IL33: variants seen among roughly 807,000 people sequenced by gnomAD.
IL33 encodes interleukin-33.
A neutral mutation model predicts 27.3 loss-of-function variants in IL33; 37 were observed. The ratio of observed to expected loss-of-function variants is 1.36; its 90% CI spans 1.04 to 1.78. The LOEUF is 1.78. IL33 is among the 40% of genes most tolerant of loss of function. The pLI is 0.00. For synonymous variants in IL33, 132 were observed against 102.9 expected, an observed-to-expected ratio of 1.28 and a Z score of -1.71; for missense variants, 406 against 311.4, an observed-to-expected ratio of 1.30 and a Z score of -2.29.
rs1816712940 is a variant in IL33, at chr9:6,256,065, G to C, written c.710G>C (p.Gly237Ala). ...TCATTTGAATGCAAGACTGATCCTG[G>C]AGTGTTTATAGGTGTAAAGGATAAT... is the stretch of plus-strand genomic sequence containing the variant. ...CVSFECKTDP[G>A]VFIGVKDNHL... Residue 237 changes from glycine to alanine, a missense_variant, in exon 8 of 8, where the codon GGA becomes GCA. Physicochemically the swap from Gly to Ala is moderately conservative, Grantham distance 60 (BLOSUM62 0). Coordinates refer to ENST00000682010, the MANE Select transcript of IL33 (RefSeq NM_033439.4). 2 of 1,613,168 alleles carry C rather than the reference G, an allele frequency of 1.2e-6. No individual in the cohort carries two copies. The highest frequency in any genetic ancestry group is 1.7e-6 in the Non-Finnish European group (2 of 1,179,228).
At chr9:6,218,930 A>C (rs1320359732) in intron 1 of IL33, among the ~76,000 whole-genome samples, 2 of 122,554 alleles carry the variant, frequency 1.6e-5, no homozygotes, top group Admixed American at 8.5e-5. Context: ...ATATATATAT[A>C]TATATATATA....
chr9:6,257,464 TA>T lies in IL33; in HGVS notation c.*1297del, dbSNP rs1174594263. 1 of 152,646 alleles carries T rather than the reference TA, an allele frequency of 6.6e-6. No individual in the cohort carries two copies. The highest frequency in any genetic ancestry group is 2.4e-5 in the African/African-American group (1 of 41,460). The allele number at this position is 152,646 out of a possible 1,614,324, so 9.5% of individuals were successfully genotyped here. A position where few individuals can be genotyped will look rare whatever the true frequency, so the allele number is the denominator to read the frequency against. ...TTTTAGATAAAGCTATTAATGGCAA[TA>T]TTTTTTTGCTAAACGTTTTTGTTTT... On this transcript the variant is annotated 3_prime_UTR_variant, in exon 8 of 8. Transcript: ENST00000682010.
intron 1 of IL33, among the ~76,000 whole-genome samples, chr9:6,241,122 A>C (rs1236835800): frequency 6.6e-6 from 1 of 152,162 alleles, no homozygotes; most frequent in African/African-American, 2.4e-5. Context: ...GTCATTTCCT[A>C]TAACAATGTC....
chr9:6,235,251 C>T (rs1368408632), intron 1 of IL33, among the ~76,000 whole-genome samples: 1 of 152,062 alleles, frequency 6.6e-6, no homozygotes, highest in Non-Finnish European at 1.5e-5. Flanking sequence ...CTTTATGTTG[C>T]CTAGGCTGGT....
At chr9:6,224,098 T>C (rs908401130) in intron 1 of IL33, among the ~76,000 whole-genome samples, 2 of 152,194 alleles carry the variant, frequency 1.3e-5, no homozygotes, top group Admixed American at 6.5e-5. Flanking sequence ...AAAGTCCTTC[T>C]TTCCCTATTT....
At chr9:6,251,509 T>C (rs1031492585) in intron 4 of IL33, among the ~76,000 whole-genome samples, 2 of 152,090 alleles carry the variant, frequency 1.3e-5, no homozygotes, top group Non-Finnish European at 2.9e-5. Context: ...TTGCAATGGA[T>C]TGGAATCCCA....
chr9:6,252,077 ACAAAACAAAACAAAAAAACC>A (rs1816419695), intron 4 of IL33, among the ~76,000 whole-genome samples: 6 of 135,802 alleles, frequency 4.4e-5, no homozygotes, highest in East Asian at 2.2e-4. Context: ...CCAACAAAAA[ACAAAACAAAACAAAAAAACC>A]AACTTTACCT....
At chr9:6,221,798 C>G (rs1335393355) in intron 1 of IL33, among the ~76,000 whole-genome samples, 2 of 152,180 alleles carry the variant, frequency 1.3e-5, no homozygotes, top group African/African-American at 4.8e-5. Context: ...ATTTATTTCT[C>G]TGTGCATCAG....
intron 1 of IL33, among the ~76,000 whole-genome samples, chr9:6,224,835 T>C (rs1376393456): frequency 6.6e-6 from 1 of 152,214 alleles, no homozygotes; most frequent in Non-Finnish European, 1.5e-5. Flanking sequence ...TATGAACTTT[T>C]CAGAAAACAA....
intron 2 of IL33, among the ~76,000 whole-genome samples, chr9:6,248,651 T>C (rs1820019125): frequency 6.6e-6 from 1 of 152,114 alleles, no homozygotes; most frequent in South Asian, 2.1e-4. Context: ...TATAGCTCAC[T>C]ACAGCCTCAA....
chr9:6,253,443 T>C (rs2130455088), intron 5 of IL33, 109 bp from the exon 6 acceptor site: 4 of 680,650 alleles, frequency 5.9e-6, no homozygotes, highest in South Asian at 2.4e-5. Flanking sequence ...TTTGTTTTTA[T>C]TGATATATAA....
At chr9:6,247,601 A>G (rs1418791159) in intron 2 of IL33, among the ~76,000 whole-genome samples, 1 of 152,094 alleles carries the variant, frequency 6.6e-6, no homozygotes, top group Non-Finnish European at 1.5e-5. Flanking sequence ...ATTCATACTA[A>G]GCCATTGCCC....
chr9:6,225,147 A>C (rs1818573408), intron 1 of IL33, among the ~76,000 whole-genome samples: 1 of 152,198 alleles, frequency 6.6e-6, no homozygotes, highest in African/African-American at 2.4e-5. Context: ...GCTAGAAGGA[A>C]ACAAATCAAG....
chr9:6,248,157 G>C (rs907189641), intron 2 of IL33, among the ~76,000 whole-genome samples: 3 of 151,584 alleles, frequency 2.0e-5, no homozygotes, highest in Non-Finnish European at 4.4e-5. Context: ...GCTATGGTTT[G>C]AATGTTTCCA....
intron 4 of IL33, among the ~76,000 whole-genome samples, 179 bp downstream of exon 4, chr9:6,251,444 T>C (rs147421002): frequency 1.3e-5 from 2 of 152,298 alleles, no homozygotes; most frequent in East Asian, 1.9e-4. Context: ...AAGGTAGCTG[T>C]TCTAATAATG....
Position 6,251,124 on chromosome 9 carries a change from C to G in IL33, c.218-16C>G. 6.2e-7 allele frequency: 1 copy of G among 1,612,598 alleles called. No homozygotes were observed. Among genetic ancestry groups the G allele is most frequent in the Non-Finnish European group, 8.5e-7 (1 of 1,179,174 alleles). On this transcript the variant is annotated splice_polypyrimidine_tract_variant and intron_variant, in intron 3 of 7. Coordinates refer to ENST00000682010, the MANE Select transcript of IL33 (RefSeq NM_033439.4). ...TGGGGATTGATGGTCTATCCCTAAT[C>G]CCATCCGGTCTGCAGGTAGAAAGCA... is the stretch of plus-strand genomic sequence containing the variant.
At chr9:6,233,449 G>A (rs1040003436) in intron 1 of IL33, among the ~76,000 whole-genome samples, 1 of 151,988 alleles carries the variant, frequency 6.6e-6, no homozygotes, top group Admixed American at 6.6e-5. Context: ...CCTCTCTTCT[G>A]TATCTCCTCT....
At chr9:6,218,204 C>A (rs1818231975) in intron 1 of IL33, among the ~76,000 whole-genome samples, 1 of 152,150 alleles carries the variant, frequency 6.6e-6, no homozygotes, top group South Asian at 2.1e-4. Flanking sequence ...CTGAAAGGAT[C>A]CTGGACCTTC....
Position 6,250,515 on chromosome 9 carries a change from A to C in IL33, c.133A>C (p.Met45Leu). ...KAKEVCPMYF[M>L]KLRSGLMIKK... is the part of the protein sequence containing the mutation. ...CAAAGAAGTTTGCCCCATGTACTTTATGAAGCTCCGCTCTGGCCTTATGAT... is the reference window on the plus strand; with the variant it reads ...CAAAGAAGTTTGCCCCATGTACTTTCTGAAGCTCCGCTCTGGCCTTATGAT... The change falls in exon 3 of 8, where the codon ATG (methionine) becomes CTG (leucine). Residue 45 changes from methionine to leucine, a missense_variant. By Grantham distance (15) the Met-to-Leu change is conservative (BLOSUM62 2). Coordinates refer to ENST00000682010, the MANE Select transcript of IL33 (RefSeq NM_033439.4). 1.2e-6 allele frequency: 2 copies of C among 1,613,990 alleles called. No individual in the cohort carries two copies. The highest frequency in any genetic ancestry group is 1.7e-6 in the Non-Finnish European group (2 of 1,179,932).
Sources: gnomAD v4.1 joint callset for allele counts (sites outside exome capture counted in the v4.1 genomes callset) on GRCh38, gnomAD v4.1.1 for gene constraint, MANE v1.5 for transcripts, NCBI Gene and HGNC (gene_info 2026-07-23, HGNC 2026-07-21) for gene names.